The following ZNF611 variants were observed in gnomAD, a reference collection of about 807,000 sequenced individuals.
ZNF611 encodes zinc finger protein 611.
In ZNF611, 6 loss-of-function variants were observed where a neutral mutation model predicts 8.9. That is an observed-to-expected ratio of 0.68 (90% CI 0.37 to 1.34). The LOEUF is 1.34. ZNF611 is among the 40% of genes most tolerant of loss of function. The probability of loss-of-function intolerance (pLI) is 0.02; values close to 1 mark genes in which losing one functional copy is unlikely to be tolerated. For missense variants in ZNF611, 874 were observed against 841.3 expected (o/e 1.04, Z -0.48); for synonymous variants, 262 against 279.7 (o/e 0.94, Z 0.63).
rs2062220169 is a variant in ZNF611 at position 52,703,665 on chromosome 19, C to G, written c.*1272G>C. The stretch of plus-strand genomic sequence containing the variant: ...GGAGCCCAGTGGTGCGATCTCGACT[C>G]CCTGCAAGCTCCGCCTCACAGGTTC... On this transcript the variant is annotated 3_prime_UTR_variant, in exon 6 of 6. Transcript: ENST00000652185. 1 of 147,220 alleles carries G rather than the reference C, an allele frequency of 6.8e-6. No homozygotes were observed. Among genetic ancestry groups the G allele is most frequent in the Non-Finnish European group, 1.5e-5 (1 of 67,390 alleles). The allele number at this position is 147,220 out of a possible 1,614,324, so 9.1% of individuals were successfully genotyped here.
At position 52,704,655 on chromosome 19, in the gene ZNF611, A is replaced by G; in HGVS notation, c.*282T>C. The G allele has an allele frequency of 2.5e-6, 4 of 1,588,210 alleles. No homozygotes were observed. Among genetic ancestry groups the G allele is most frequent in the Non-Finnish European group, 3.5e-6 (4 of 1,157,256 alleles). ...TCCAATGATTTGTAATCGTTGTAGC[A>G]TTACTGAAGACTTTGTGACAATCAT... On this transcript the variant is annotated 3_prime_UTR_variant, in exon 6 of 6. Transcript: ENST00000652185.
intron 3 of ZNF611, among the ~76,000 whole-genome samples, chr19:52,721,823 G>C (rs1404693185): frequency 3.3e-5 from 5 of 151,976 alleles, no homozygotes; most frequent in Non-Finnish European, 2.9e-5. Context: ...GAAGTGCAAT[G>C]ATGCGATCTC....
At chr19:52,726,825 G>A (rs1176655200) in intron 3 of ZNF611, among the ~76,000 whole-genome samples, 1 of 151,164 alleles carries the variant, frequency 6.6e-6, no homozygotes, top group Admixed American at 6.6e-5. Flanking sequence ...TGTCCCGCAC[G>A]TTTGTGAAAG....
chr19:52,719,584 A>C (rs1242140652), intron 3 of ZNF611, among the ~76,000 whole-genome samples: 1 of 152,184 alleles, frequency 6.6e-6, no homozygotes, highest in African/African-American at 2.4e-5. Flanking sequence ...TCACTTCATC[A>C]TCACATCCAA....
At chr19:52,709,659 G>A (rs1210285331) in intron 5 of ZNF611, among the ~76,000 whole-genome samples, 3 of 151,216 alleles carry the variant, frequency 2.0e-5, no homozygotes, top group Non-Finnish European at 4.4e-5. Context: ...CCACCGCCTC[G>A]CAGGTTCAAG....
intron 3 of ZNF611, among the ~76,000 whole-genome samples, chr19:52,719,796 T>C (rs2062342394): frequency 6.6e-6 from 1 of 152,224 alleles, no homozygotes; most frequent in Non-Finnish European, 1.5e-5. Flanking sequence ...TTATTGATCA[T>C]TCTTGGGTGT....
intron 3 of ZNF611, among the ~76,000 whole-genome samples, chr19:52,726,455 C>CT (rs1331185419): frequency 6.6e-6 from 1 of 152,152 alleles, no homozygotes; most frequent in African/African-American, 2.4e-5. Context: ...GAGTCTTGCT[C>CT]TGTCACCCAG....
chr19:52,728,639 G>C (rs1282752282), intron 3 of ZNF611, 91 bp downstream of exon 3: 1 of 151,996 alleles, frequency 6.6e-6, no homozygotes, highest in African/African-American at 2.4e-5. Context: ...AGAAATGAAA[G>C]GAAAGAAAAT....
At position 52,730,189 on chromosome 19, in the gene ZNF611, C is replaced by T. The variant is rs373363803; in HGVS notation, c.-221-184G>A. Among the ~76,000 whole-genome samples the T allele has an allele frequency of 8.6e-5, 13 of 151,784 alleles. No homozygotes were observed. In the East Asian group the frequency reaches 2.3e-3, roughly 27 times the overall value. On this transcript the variant is annotated intron_variant, in intron 1 of 5. Coordinates refer to ENST00000652185, the MANE Select transcript of ZNF611 (RefSeq NM_001161499.2). The stretch of plus-strand genomic sequence containing the variant: ...CGGGCGGATGACGAGGTCAGGAGAT[C>T]GAGACCATCCTGGCTAACATGGTGA...
chr19:52,731,933 C>CG (rs2062428284), intron 1 of ZNF611, among the ~76,000 whole-genome samples: 1 of 150,674 alleles, frequency 6.6e-6, no homozygotes, highest in African/African-American at 2.4e-5. Context: ...ATCATGCCAT[C>CG]GCACTCCAGC....
chr19:52,710,481 C>T (rs1054447788), intron 5 of ZNF611, among the ~76,000 whole-genome samples: 5 of 152,112 alleles, frequency 3.3e-5, no homozygotes, highest in African/African-American at 7.2e-5. Context: ...CCACCCGTCT[C>T]GGCCTCCCAA....
In ZNF611 at chr19:52,702,961, A is replaced by T. The variant is rs929746123; in HGVS notation, c.*1976T>A. 4.7e-4 allele frequency: 72 copies of T among 152,226 alleles called. No homozygotes were observed. The highest frequency in any genetic ancestry group is 1.7e-3 in the African/African-American group (70 of 41,454). 9.4% of individuals were successfully genotyped at this position (152,226 alleles called of 1,614,324 possible). A position where few individuals can be genotyped will look rare whatever the true frequency, so the allele number is the denominator to read the frequency against. On this transcript the variant is annotated 3_prime_UTR_variant, in exon 6 of 6. Coordinates refer to ENST00000652185, the MANE Select transcript of ZNF611 (RefSeq NM_001161499.2). ...GCAGACATTGATATGAACTGGATGC[A>T]ACTAATTTAAAACAGCAACTATTTT...
At chr19:52,719,349 C>T (rs568777296) in intron 3 of ZNF611, among the ~76,000 whole-genome samples, 2 of 152,008 alleles carry the variant, frequency 1.3e-5, no homozygotes, top group Non-Finnish European at 2.9e-5. Flanking sequence ...TTCTCTCCCC[C>T]ACTCCCCACC....
chr19:52,726,721 TG>T (rs1310285426), intron 3 of ZNF611, among the ~76,000 whole-genome samples: 2 of 129,366 alleles, frequency 1.5e-5, no homozygotes, highest in South Asian at 4.9e-4. Context: ...CTCGGCCTTG[TG>T]TTTTTTTTTT....
intron 1 of ZNF611, among the ~76,000 whole-genome samples, chr19:52,730,499 T>A (rs1272315797): frequency 1.3e-5 from 2 of 151,794 alleles, no homozygotes; most frequent in African/African-American, 4.8e-5. Flanking sequence ...AATAGGATGT[T>A]CCTGCAGATG....
At position 52,704,578 on chromosome 19, in the gene ZNF611, A is replaced by C; in HGVS notation, c.*359T>G. 6.5e-7 allele frequency: 1 copy of C among 1,538,186 alleles called. No homozygotes were observed. Among genetic ancestry groups the C allele is most frequent in the Non-Finnish European group, 9.0e-7 (1 of 1,115,768 alleles). ...ACCTGCAATATGTGAACGATCTCTG[A>C]AAAATTTGCCACATTTATTACACTT... On this transcript the variant is annotated 3_prime_UTR_variant, in exon 6 of 6. Transcript: ENST00000652185.
At chr19:52,731,431 C>T (rs532999355) in intron 1 of ZNF611, among the ~76,000 whole-genome samples, 6 of 151,828 alleles carry the variant, frequency 4.0e-5, no homozygotes, top group East Asian at 2.0e-4. Flanking sequence ...CATGCAGTGG[C>T]GCAATCTCGG....
At chr19:52,714,354 A>G (rs1014875847) in intron 4 of ZNF611, among the ~76,000 whole-genome samples, 7 of 152,086 alleles carry the variant, frequency 4.6e-5, no homozygotes, top group African/African-American at 1.7e-4. Context: ...CACTACGGAA[A>G]TCTCGATTTT....
intron 3 of ZNF611, chr19:52,716,187 G>C (rs1175022670): frequency 2.6e-5 from 9 of 341,978 alleles, no homozygotes; most frequent in Non-Finnish European, 1.6e-5. Flanking sequence ...TCAGGGCACA[G>C]ACTCATCCTT....
Sources: allele counts gnomAD v4.1 joint callset (sites outside exome capture counted in the v4.1 genomes callset), GRCh38; gene constraint gnomAD v4.1.1; transcripts MANE v1.5; gene names NCBI Gene and HGNC (gene_info 2026-07-23, HGNC 2026-07-21).